Variants in NMD3 observed in about 807,000 individuals in gnomAD.
NMD3 encodes the protein NMD3 ribosome export adaptor.
A neutral mutation model predicts 73.1 loss-of-function variants in NMD3; 47 were observed. The ratio of observed to expected loss-of-function variants is 0.64; its 90% CI spans 0.51 to 0.82. NMD3 has a LOEUF of 0.82. Among genes scored for constraint, NMD3 ranks in the 40% least tolerant of loss-of-function variants. The pLI is 0.00. For synonymous variants in NMD3, 210 were observed against 194.5 expected (o/e 1.08, Z -0.66); for missense variants, 554 against 612.5 (o/e 0.90, Z 1.01).
chr3:161,247,123 A>G (rs1046826082), intron 12 of NMD3, 135 bp from the exon 13 acceptor site: 4 of 591,708 alleles, frequency 6.8e-6, no homozygotes, highest in Non-Finnish European at 9.2e-6. Context: ...TCATTGTGTA[A>G]TAAATGACAG....
chr3:161,234,884 T>G (rs146494751), intron 6 of NMD3, 29 bp downstream of exon 6: 9 of 1,603,940 alleles, frequency 5.6e-6, no homozygotes, highest in Non-Finnish European at 6.8e-6. Flanking sequence ...GAGTGAGTCC[T>G]ACATCTTATA....
At chr3:161,229,177 TA>T (rs1736441579) in intron 4 of NMD3, among the ~76,000 whole-genome samples, 1 of 152,180 alleles carries the variant, frequency 6.6e-6, no homozygotes, top group African/African-American at 2.4e-5. Context: ...TAGGCCCTTA[TA>T]GGGGCTGTTT....
At chr3:161,227,128 T>C in intron 3 of NMD3, 119 bp from the exon 4 acceptor site, 1 of 600,564 alleles carries the variant, frequency 1.7e-6, no homozygotes, top group Non-Finnish European at 2.9e-6. Context: ...AAGTGCTTCA[T>C]ATCATCCTTG....
chr3:161,228,541 T>C (rs1263836492), intron 4 of NMD3, among the ~76,000 whole-genome samples: 1 of 152,160 alleles, frequency 6.6e-6, no homozygotes, highest in African/African-American at 2.4e-5. Flanking sequence ...AATAGGACTT[T>C]TTTTGTTTCT....
chr3:161,237,252 G>C (rs910688835), intron 7 of NMD3, among the ~76,000 whole-genome samples: 1 of 151,936 alleles, frequency 6.6e-6, no homozygotes, highest in African/African-American at 2.4e-5. Context: ...AATGTTTTAT[G>C]AATGTTTGAT....
chr3:161,237,148 A>C (rs1471679043), intron 7 of NMD3, among the ~76,000 whole-genome samples: 1 of 152,114 alleles, frequency 6.6e-6, no homozygotes, highest in East Asian at 1.9e-4. Flanking sequence ...CTACTGTTTT[A>C]TGATGAGATA....
intron 2 of NMD3, among the ~76,000 whole-genome samples, chr3:161,222,758 T>C (rs977677493): frequency 1.3e-5 from 2 of 152,216 alleles, no homozygotes; most frequent in African/African-American, 4.8e-5. Flanking sequence ...GTAGTCCTTC[T>C]GTCTAGAATG....
chr3:161,252,822 A>G, downstream of NMD3: 1 of 695,386 alleles, frequency 1.4e-6, no homozygotes, highest in South Asian at 1.5e-5. Flanking sequence ...TGAGGGGCCA[A>G]GTGTGGTGGT....
chr3:161,252,735 A>AT (rs1737538383), downstream of NMD3: 1 of 656,470 alleles, frequency 1.5e-6, no homozygotes, highest in Admixed American at 2.4e-5. Flanking sequence ...TATAAATATA[A>AT]TTTACAAGTC....
At chr3:161,249,616 T>C (rs1737398566) in intron 14 of NMD3, 56 bp downstream of exon 14, 1 of 1,089,704 alleles carries the variant, frequency 9.2e-7, no homozygotes, top group Non-Finnish European at 1.4e-6. Flanking sequence ...TTATGATAAA[T>C]ACTTTTTATG....
intron 2 of NMD3, among the ~76,000 whole-genome samples, chr3:161,223,372 A>G (rs951045505): frequency 2.6e-5 from 4 of 152,192 alleles, no homozygotes; most frequent in African/African-American, 9.6e-5. Flanking sequence ...TTCTGCCCCC[A>G]GTACATCTCG....
At chr3:161,236,528 A>C (rs373373832) in intron 7 of NMD3, among the ~76,000 whole-genome samples, 2 of 152,076 alleles carry the variant, frequency 1.3e-5, no homozygotes, top group Non-Finnish European at 2.9e-5. Flanking sequence ...TTCACACTCT[A>C]TATTCTTAAT....
chr3:161,225,150 A>G lies in NMD3; in HGVS notation c.179+86A>G, dbSNP rs555028780. 4 of 1,394,762 alleles carry G rather than the reference A, an allele frequency of 2.9e-6. No homozygotes were observed. The East Asian group carries it at 7.3e-5, about 25-fold the overall frequency. 86.4% of individuals were successfully genotyped at this position (1,394,762 alleles called of 1,614,324 possible). A position where few individuals can be genotyped will look rare whatever the true frequency, so the allele number is the denominator to read the frequency against. ...AGATATGCTGAGATTACACGAAGGT[A>G]TATGGAGTAAAGTGCATGCAATTAA... On this transcript the variant is annotated intron_variant, in intron 3 of 15. Coordinates refer to ENST00000351193, the MANE Select transcript of NMD3 (RefSeq NM_015938.5).
chr3:161,223,917 G>A (rs1054375139), intron 2 of NMD3, among the ~76,000 whole-genome samples: 1 of 152,118 alleles, frequency 6.6e-6, no homozygotes, highest in Non-Finnish European at 1.5e-5. Context: ...CTTGTGGTTG[G>A]GAAGTTTATC....
At chr3:161,240,542 TGA>T (rs1736931844) in intron 9 of NMD3, among the ~76,000 whole-genome samples, 2 of 149,688 alleles carry the variant, frequency 1.3e-5, no homozygotes, top group South Asian at 2.1e-4. Flanking sequence ...TTTTTTTTTT[TGA>T]GAGACAGTTT....
chr3:161,235,790 C>T (rs1026127476), intron 7 of NMD3, among the ~76,000 whole-genome samples: 7 of 152,044 alleles, frequency 4.6e-5, no homozygotes, highest in African/African-American at 1.7e-4. Flanking sequence ...ACCATTTCAT[C>T]TAGCTTTTTA....
intron 6 of NMD3, 57 bp downstream of exon 6, chr3:161,234,912 A>G (rs1736695880): frequency 1.9e-6 from 3 of 1,574,840 alleles, no homozygotes; most frequent in Non-Finnish European, 1.7e-6. Context: ...TTTGTTAATT[A>G]TAACTTTTCC....
At chr3:161,226,767 A>C (rs974690816) in intron 3 of NMD3, among the ~76,000 whole-genome samples, 1 of 152,234 alleles carries the variant, frequency 6.6e-6, no homozygotes, top group Non-Finnish European at 1.5e-5. Flanking sequence ...TTGTTTTACA[A>C]TTTACAATTT....
intron 11 of NMD3, 21 bp downstream of exon 11, chr3:161,242,674 C>G (rs1737038859): frequency 6.3e-7 from 1 of 1,594,014 alleles, no homozygotes; most frequent in Non-Finnish European, 8.5e-7. Flanking sequence ...TCCTGCCTGC[C>G]AGTGTATTTT....
Sources: gnomAD v4.1 joint callset for allele counts (sites outside exome capture counted in the v4.1 genomes callset) on GRCh38, gnomAD v4.1.1 for gene constraint, MANE v1.5 for transcripts, NCBI Gene and HGNC (gene_info 2026-07-23, HGNC 2026-07-21) for gene names.